Variants in DLGAP1 observed in about 807,000 individuals in gnomAD.
DLGAP1 encodes disks large-associated protein 1.
Under a neutral mutation model 90.8 loss-of-function variants are expected in DLGAP1, and 11 were observed. The observed-to-expected ratio is 0.12, with a 90% CI of 0.08 to 0.20. The LOEUF (loss-of-function observed/expected upper bound fraction) is 0.20, where lower values mean the gene tolerates loss of function less well. Among genes scored for constraint, DLGAP1 ranks in the 10% least tolerant of loss-of-function variants. The pLI, the probability that DLGAP1 is intolerant of heterozygous loss-of-function variation, is 1.00. For synonymous variants in DLGAP1, 558 were observed against 540.7 expected (o/e 1.03, Z -0.44); for missense variants, 1,050 against 1,333.8 (o/e 0.79, Z 3.31).
At chr18:3,505,065 T>A (rs1220935727) in intron 11 of DLGAP1, among the ~76,000 whole-genome samples, 2 of 152,118 alleles carry the variant, frequency 1.3e-5, no homozygotes, top group Non-Finnish European at 2.9e-5. Flanking sequence ...CTCCTCAGAA[T>A]AGGAACTCAA....
chr18:4,298,742 G>A (rs1486542283), intron 1 of DLGAP1, among the ~76,000 whole-genome samples: 1 of 150,342 alleles, frequency 6.7e-6, no homozygotes, highest in East Asian at 2.0e-4. Context: ...CCTGCACAAT[G>A]TGCACATGTA....
At chr18:3,600,667 G>T (rs113755901) in intron 7 of DLGAP1, among the ~76,000 whole-genome samples, 1,198 of 111,650 alleles carry the variant, frequency 0.011, 53 homozygotes, top group African/African-American at 0.04. Flanking sequence ...TATCTATAGA[G>T]ATCTATAGAT....
At chr18:4,425,760 A>G (rs1276733495) in intron 1 of DLGAP1, among the ~76,000 whole-genome samples, 2 of 152,168 alleles carry the variant, frequency 1.3e-5, no homozygotes. Flanking sequence ...AGGGGAGGTT[A>G]GAAAGAAAGA....
intron 9 of DLGAP1, among the ~76,000 whole-genome samples, chr18:3,555,474 A>G (rs185059393): frequency 2.0e-5 from 3 of 152,298 alleles, no homozygotes; most frequent in African/African-American, 7.2e-5. Flanking sequence ...TTAGGTTGCT[A>G]CTAGGTATGA....
chr18:3,749,324 G>T (rs373212680), intron 5 of DLGAP1, among the ~76,000 whole-genome samples: 1 of 151,358 alleles, frequency 6.6e-6, no homozygotes, highest in Non-Finnish European at 1.5e-5. Context: ...AATTTTTTTT[G>T]TATTTCTAGT....
intron 1 of DLGAP1, among the ~76,000 whole-genome samples, chr18:4,265,149 A>G (rs1335130288): frequency 1.0e-5 from 1 of 96,554 alleles, no homozygotes; most frequent in Admixed American, 1.2e-4. Context: ...CCTCCCTCCC[A>G]TCCTCTCTTC....
intron 11 of DLGAP1, among the ~76,000 whole-genome samples, chr18:3,504,417 T>C (rs2050106648): frequency 6.6e-6 from 1 of 152,148 alleles, no homozygotes; most frequent in Non-Finnish European, 1.5e-5. Context: ...ATAGCGTCGC[T>C]CTTGTCGCCC....
intron 1 of DLGAP1, among the ~76,000 whole-genome samples, chr18:4,339,144 C>T (rs1209828213): frequency 6.6e-6 from 1 of 152,186 alleles, no homozygotes; most frequent in African/African-American, 2.4e-5. Context: ...TTGACTCTTT[C>T]AGTCTACTGA....
rs1171436413 is a variant in DLGAP1, at chr18:4,387,930, TACACACACACAC to T, written c.-267+67064_-267+67075del. On this transcript the variant is annotated intron_variant, in intron 1 of 12. Coordinates refer to ENST00000315677, the MANE Select transcript of DLGAP1 (RefSeq NM_004746.4). ...TGGGTGACAGAGACTCCATCACACA[TACACACACACAC>T]ACACACACACACACACACACACACA... 1.5e-3 allele frequency among the ~76,000 whole-genome samples: 179 copies of T among 123,338 alleles called. 1 individual carries two copies. Among genetic ancestry groups the T allele is most frequent in the African/African-American group, 5.2e-3 (169 of 32,490 alleles). 80.9% of individuals were successfully genotyped at this position (123,338 alleles called of 152,430 possible). A position where few individuals can be genotyped will look rare whatever the true frequency, so the allele number is the denominator to read the frequency against.
chr18:3,694,025 C>T (rs967151521), intron 7 of DLGAP1, among the ~76,000 whole-genome samples: 1 of 146,254 alleles, frequency 6.8e-6, no homozygotes, highest in Non-Finnish European at 1.5e-5. Flanking sequence ...TGCTATCCCT[C>T]CCCTAGCCAC....
intron 1 of DLGAP1, among the ~76,000 whole-genome samples, chr18:4,445,176 A>G (rs1249981807): frequency 6.6e-6 from 1 of 152,226 alleles, no homozygotes; most frequent in African/African-American, 2.4e-5. Context: ...TAGCTCAATT[A>G]CTACAAATCA....
At chr18:4,174,715 C>G (rs1174851734) in intron 1 of DLGAP1, among the ~76,000 whole-genome samples, 1 of 152,154 alleles carries the variant, frequency 6.6e-6, no homozygotes, top group African/African-American at 2.4e-5. Flanking sequence ...TATACACGTG[C>G]CATGATGGTT....
chr18:4,121,056 C>T (rs117600582), intron 2 of DLGAP1, among the ~76,000 whole-genome samples: 3,363 of 152,196 alleles, frequency 0.022, 46 homozygotes, highest in Non-Finnish European at 0.034. Flanking sequence ...TTAGGCAAGA[C>T]GGACACTGGT....
At chr18:4,281,154 C>T (rs902316722) in intron 1 of DLGAP1, among the ~76,000 whole-genome samples, 9 of 152,110 alleles carry the variant, frequency 5.9e-5, no homozygotes, top group Non-Finnish European at 1.0e-4. Context: ...ATGTATTTTA[C>T]GTCAATGATC....
intron 3 of DLGAP1, among the ~76,000 whole-genome samples, chr18:3,907,900 A>C (rs1378168244): frequency 6.6e-6 from 1 of 152,226 alleles, no homozygotes; most frequent in Admixed American, 6.5e-5. Context: ...CAGTTTCATC[A>C]AATATTTATC....
At chr18:4,336,659 C>A (rs1025175516) in intron 1 of DLGAP1, among the ~76,000 whole-genome samples, 3 of 152,116 alleles carry the variant, frequency 2.0e-5, no homozygotes, top group African/African-American at 7.2e-5. Flanking sequence ...GTGGCTAATT[C>A]AAAGCCTAAC....
At chr18:4,205,551 G>A (rs2077704069) in intron 1 of DLGAP1, among the ~76,000 whole-genome samples, 1 of 152,152 alleles carries the variant, frequency 6.6e-6, no homozygotes, top group Non-Finnish European at 1.5e-5. Flanking sequence ...AGCATGCAGT[G>A]GTGTGATCAC....
At chr18:3,580,002 G>C (rs1354410500) in intron 8 of DLGAP1, among the ~76,000 whole-genome samples, 1 of 152,214 alleles carries the variant, frequency 6.6e-6, no homozygotes, top group Middle Eastern at 3.4e-3. Flanking sequence ...GGCTATTCCT[G>C]CAAGTCCACT....
intron 7 of DLGAP1, among the ~76,000 whole-genome samples, chr18:3,728,671 T>C (rs946332781): frequency 6.6e-6 from 1 of 152,186 alleles, no homozygotes; most frequent in Admixed American, 6.5e-5. Context: ...TTTCTCACAG[T>C]GATATTTCAG....
Sources: allele counts gnomAD v4.1 joint callset (sites outside exome capture counted in the v4.1 genomes callset), GRCh38; gene constraint gnomAD v4.1.1; transcripts MANE v1.5; gene names NCBI Gene and HGNC (gene_info 2026-07-23, HGNC 2026-07-21).